LRRC37A: variants seen among roughly 807,000 people sequenced by gnomAD.
The protein encoded by LRRC37A is leucine rich repeat containing 37A, also known as leucine-rich repeat-containing protein 37A.
In LRRC37A, 3 loss-of-function variants were observed where a neutral mutation model predicts 35.4. That is an observed-to-expected ratio of 0.08 (90% confidence interval 0.04 to 0.22). The LOEUF (loss-of-function observed/expected upper bound fraction) is 0.22, where lower values mean the gene tolerates loss of function less well. Among genes scored for constraint, LRRC37A ranks in the 10% least tolerant of loss-of-function variants. The pLI is 1.00. For synonymous variants in LRRC37A, 23 were observed against 215.0 expected (o/e 0.11, Z 7.81); for missense variants, 67 against 565.3 (o/e 0.12, Z 8.94).
At chr17:46,271,631 G>A in the LRRC37A span, among the ~76,000 whole-genome samples, 2 of 152,212 alleles carry the variant, frequency 1.3e-5, no homozygotes, top group African/African-American at 4.8e-5. Context: ...GCAGAAATAG[G>A]GAAATAACTT....
the LRRC37A span, among the ~76,000 whole-genome samples, chr17:46,282,271 T>G: frequency 0.047 from 6,216 of 132,074 alleles, no homozygotes; most frequent in Non-Finnish European, 0.075. Context: ...CCCGCCTAAT[T>G]TTTTGTTATT....
At chr17:46,256,671 G>T in the LRRC37A span, among the ~76,000 whole-genome samples, 2 of 152,144 alleles carry the variant, frequency 1.3e-5, no homozygotes, top group Non-Finnish European at 2.9e-5. Flanking sequence ...GAGGAAAATG[G>T]CTCTGTTACT....
upstream of LRRC37A, among the ~76,000 whole-genome samples, chr17:46,290,371 C>T (rs1482532423): frequency 6.8e-6 from 1 of 147,924 alleles, no homozygotes; most frequent in Non-Finnish European, 1.5e-5. Context: ...AGTGATCCAC[C>T]CACCTCAGCC....
the LRRC37A span, chr17:46,259,631 C>G: frequency 0.31 from 431,109 of 1,397,558 alleles, 105,492 homozygotes; most frequent in Non-Finnish European, 0.36. Context: ...TGCAGCAGCC[C>G]TACAGACACA....
chr17:46,291,010 C>T (rs2050051370), upstream of LRRC37A, among the ~76,000 whole-genome samples: 1 of 152,212 alleles, frequency 6.6e-6, no homozygotes, highest in Admixed American at 6.5e-5. Context: ...ACCAAATAAA[C>T]CTGAATGGCC....
chr17:46,252,369 T>C, the LRRC37A span, among the ~76,000 whole-genome samples: 3 of 145,552 alleles, frequency 2.1e-5, no homozygotes, highest in Non-Finnish European at 4.7e-5. Flanking sequence ...CATGCCTCCA[T>C]TTTCTTTCTT....
At chr17:46,273,886 T>C in the LRRC37A span, among the ~76,000 whole-genome samples, 3 of 152,230 alleles carry the variant, frequency 2.0e-5, no homozygotes, top group Admixed American at 2.0e-4. Context: ...CTTCATACAA[T>C]ATAAGTAGCT....
the LRRC37A span, among the ~76,000 whole-genome samples, chr17:46,275,694 C>G: frequency 2.0e-5 from 3 of 152,084 alleles, no homozygotes; most frequent in Admixed American, 6.6e-5. Context: ...TTTCAGGCAA[C>G]TGGACAAATA....
At chr17:46,255,678 T>C in the LRRC37A span, among the ~76,000 whole-genome samples, 40 of 150,404 alleles carry the variant, frequency 2.7e-4, no homozygotes, top group South Asian at 7.7e-3. Context: ...CAAATTGTTT[T>C]TTGTTTTTTT....
upstream of LRRC37A, among the ~76,000 whole-genome samples, chr17:46,288,390 C>G (rs896410170): frequency 2.0e-5 from 3 of 149,510 alleles, no homozygotes; most frequent in African/African-American, 7.5e-5. Flanking sequence ...CTCACTGCAA[C>G]CTCTGTCTCC....
chr17:46,278,395 T>C, the LRRC37A span, among the ~76,000 whole-genome samples: 1 of 143,104 alleles, frequency 7.0e-6, no homozygotes, highest in South Asian at 2.1e-4. Flanking sequence ...TGTTTTGTTT[T>C]ATTTTGTTTT....
upstream of LRRC37A, among the ~76,000 whole-genome samples, chr17:46,288,481 G>C (rs1334752730): frequency 1.3e-5 from 2 of 151,712 alleles, no homozygotes; most frequent in African/African-American, 2.4e-5. Context: ...GCTAATTTTT[G>C]CATTTTTGGT....
chr17:46,291,909 T>A (rs530734598), upstream of LRRC37A, among the ~76,000 whole-genome samples: 1 of 145,678 alleles, frequency 6.9e-6, no homozygotes, highest in African/African-American at 2.6e-5. Flanking sequence ...TGCGATGGGG[T>A]GTGATTGCAC....
chr17:46,249,843 C>T, the LRRC37A span, among the ~76,000 whole-genome samples: 141,992 of 152,142 alleles, frequency 0.93, 67,071 homozygotes, highest in East Asian at 1. Flanking sequence ...CTCGCTCTGT[C>T]GCCCAGGCTG....
At chr17:46,322,779 C>A (rs2051464540) in intron 6 of LRRC37A, among the ~76,000 whole-genome samples, 174 bp from the exon 7 acceptor site, 1 of 67,082 alleles carries the variant, frequency 1.5e-5, no homozygotes, top group African/African-American at 4.0e-5. Flanking sequence ...TCTTGAGTAT[C>A]ATTAATTTGA....
At chr17:46,255,138 G>C in the LRRC37A span, among the ~76,000 whole-genome samples, 2 of 151,898 alleles carry the variant, frequency 1.3e-5, no homozygotes, top group African/African-American at 2.4e-5. Context: ...GCCCAGCCCT[G>C]CCCAGCTAAT....
chr17:46,265,582 G>A, the LRRC37A span, among the ~76,000 whole-genome samples: 5 of 149,834 alleles, frequency 3.3e-5, no homozygotes, highest in South Asian at 6.3e-4. Flanking sequence ...AGGCTCAAGC[G>A]ATCCTCCCAC....
the LRRC37A span, among the ~76,000 whole-genome samples, chr17:46,250,563 C>T: frequency 0.017 from 2,617 of 151,758 alleles, 26 homozygotes; most frequent in Middle Eastern, 0.038. Context: ...ATCTTCCTCC[C>T]GTGCTGGATG....
chr17:46,262,728 T>C, the LRRC37A span, among the ~76,000 whole-genome samples: 1 of 148,450 alleles, frequency 6.7e-6, no homozygotes, highest in Non-Finnish European at 1.5e-5. Context: ...GAGGTTGCGG[T>C]GAGCCGAGAT....
Sources: gnomAD v4.1 joint callset for allele counts (sites outside exome capture counted in the v4.1 genomes callset) on GRCh38, gnomAD v4.1.1 for gene constraint, MANE v1.5 for transcripts, NCBI Gene and HGNC (gene_info 2026-07-23, HGNC 2026-07-21) for gene names.